AP2A1: variants seen among roughly 807,000 people sequenced by gnomAD.
AP2A1 encodes adaptor related protein complex 2 subunit alpha 1, also known as AP-2 complex subunit alpha-1.
In AP2A1, 21 loss-of-function variants were observed where a neutral mutation model predicts 107.3. The observed-to-expected ratio is 0.20, with a 90% CI of 0.14 to 0.28. AP2A1 has a LOEUF of 0.28. Among genes scored for constraint, AP2A1 ranks in the 10% least tolerant of loss-of-function variants. The pLI, the probability that AP2A1 is intolerant of heterozygous loss-of-function variation, is 1.00. For missense variants in AP2A1, 873 were observed against 1,307.7 expected, an observed-to-expected ratio of 0.67 and a Z score of 5.13; for synonymous variants, 602 against 564.8, an observed-to-expected ratio of 1.07 and a Z score of -0.93.
At position 49,799,575 on chromosome 19, in the gene AP2A1, C is replaced by T. The variant is rs1053985478; in HGVS notation, c.1135-54C>T. 3.7e-6 allele frequency: 6 copies of T among 1,600,126 alleles called. No individual in the cohort carries two copies. The Admixed American group carries it at 6.7e-5, about 18-fold the overall frequency. On this transcript the variant is annotated intron_variant, in intron 9 of 22. Transcript: ENST00000354293. ...GGCTCAGAGGCCCTTGGGTGGCCAACCCTGTGCCAACAGGGAGTCTAAAAC... is the reference window on the plus strand; with the variant it reads ...GGCTCAGAGGCCCTTGGGTGGCCAATCCTGTGCCAACAGGGAGTCTAAAAC...
intron 1 of AP2A1, among the ~76,000 whole-genome samples, chr19:49,774,412 T>A (rs558132361): frequency 6.6e-6 from 1 of 152,120 alleles, no homozygotes; most frequent in Non-Finnish European, 1.5e-5. Flanking sequence ...GCAGGGGGGC[T>A]GACCAGGAGA....
At chr19:49,806,366 CTCT>C in intron 22 of AP2A1, 113 bp downstream of exon 22, 2 of 1,283,520 alleles carry the variant, frequency 1.6e-6, no homozygotes, top group Non-Finnish European at 2.0e-6. Flanking sequence ...GACCCTCCTC[CTCT>C]CACATTTCTT....
intron 1 of AP2A1, among the ~76,000 whole-genome samples, chr19:49,781,264 G>A (rs1419384917): frequency 1.3e-4 from 20 of 152,110 alleles, no homozygotes; most frequent in Non-Finnish European, 2.1e-4. Flanking sequence ...GGGGACAAAG[G>A]GGGTGAGGAC....
At chr19:49,767,931 A>G (rs908912127) in intron 1 of AP2A1, among the ~76,000 whole-genome samples, 1 of 151,904 alleles carries the variant, frequency 6.6e-6, no homozygotes, top group African/African-American at 2.4e-5. Context: ...AACACAGAGG[A>G]AAAGAGCTGT....
intron 4 of AP2A1, among the ~76,000 whole-genome samples, chr19:49,791,467 T>G (rs1321116810): frequency 1.3e-5 from 2 of 152,110 alleles, no homozygotes; most frequent in African/African-American, 4.8e-5. Context: ...CCTCAAGTGA[T>G]CCTCCCACCT....
intron 15 of AP2A1, chr19:49,802,537 G>T: frequency 6.2e-7 from 1 of 1,605,452 alleles, no homozygotes. Flanking sequence ...GGCTCAGCGA[G>T]CTGGAGCCGC....
In AP2A1 at chr19:49,777,371, C is replaced by A. The variant is rs541286515; in HGVS notation, c.68-4386C>A. Among the ~76,000 whole-genome samples the A allele has an allele frequency of 2.0e-5, 3 of 152,184 alleles. No individual in the cohort carries two copies. The South Asian group carries it at 6.2e-4, about 32-fold the overall frequency. On this transcript the variant is annotated intron_variant, in intron 1 of 22. Coordinates refer to ENST00000354293, the MANE Select transcript of AP2A1 (RefSeq NM_130787.3). ...AGATTTCCAGCCGGGCGCGGTGGCTCATGCCTGTAATCATAGCACTTTGGG... is the reference window on the plus strand; with the variant it reads ...AGATTTCCAGCCGGGCGCGGTGGCTAATGCCTGTAATCATAGCACTTTGGG...
intron 1 of AP2A1, among the ~76,000 whole-genome samples, chr19:49,779,640 G>C (rs4802622): frequency 6.6e-6 from 1 of 152,000 alleles, no homozygotes; most frequent in Non-Finnish European, 1.5e-5. Flanking sequence ...AGTTCTCACT[G>C]TGTTGTCCAG....
intron 1 of AP2A1, among the ~76,000 whole-genome samples, chr19:49,767,534 G>A (rs1356008989): frequency 1.3e-5 from 2 of 152,118 alleles, no homozygotes; most frequent in African/African-American, 2.4e-5. Flanking sequence ...TGGGGTTAGA[G>A]GGATTCCCAA....
chr19:49,779,488 A>AG (rs2084651465), intron 1 of AP2A1, among the ~76,000 whole-genome samples: 3 of 39,008 alleles, frequency 7.7e-5, no homozygotes, highest in African/African-American at 1.9e-4. Context: ...CCTGGGCTAC[A>AG]AAAAAAAAAA....
At chr19:49,767,300 C>T in intron 1 of AP2A1, 100 bp downstream of exon 1, 2 of 1,453,728 alleles carry the variant, frequency 1.4e-6, no homozygotes, top group Admixed American at 1.8e-5. Flanking sequence ...TCAAAAGCCT[C>T]TGCGGCCGTA....
chr19:49,787,326 C>CTTTTTT (rs201187935), intron 4 of AP2A1, among the ~76,000 whole-genome samples: 3 of 116,796 alleles, frequency 2.6e-5, no homozygotes, highest in African/African-American at 7.5e-5. Flanking sequence ...CCCATCTAGG[C>CTTTTTT]TTTTTTTGTT....
intron 1 of AP2A1, among the ~76,000 whole-genome samples, chr19:49,770,605 A>C (rs1323911532): frequency 6.6e-6 from 1 of 152,214 alleles, no homozygotes; most frequent in African/African-American, 2.4e-5. Flanking sequence ...TGAGAAATAA[A>C]GTGTGGTCTA....
In AP2A1 at chr19:49,800,272, C is replaced by G. The variant is rs373515436; in HGVS notation, c.1455+122C>G. The G allele has an allele frequency of 8.8e-5, 109 of 1,238,940 alleles. No individual in the cohort carries two copies. The African/African-American group carries it at 9.5e-4, about 11-fold the overall frequency. The allele number at this position is 1,238,940 out of a possible 1,614,324, so 76.7% of individuals were successfully genotyped here. A position where few individuals can be genotyped will look rare whatever the true frequency, so the allele number is the denominator to read the frequency against. On this transcript the variant is annotated intron_variant, in intron 11 of 22. Coordinates refer to ENST00000354293, the MANE Select transcript of AP2A1 (RefSeq NM_130787.3). ...CCTCCTTCTCCTGCACTGCCGTGACCTCAAAATGGGGCCTCTGCCTCTCTG... is the reference window on the plus strand; with the variant it reads ...CCTCCTTCTCCTGCACTGCCGTGACGTCAAAATGGGGCCTCTGCCTCTCTG...
At chr19:49,791,754 G>T in intron 4 of AP2A1, 181 bp from the exon 5 acceptor site, 1 of 649,378 alleles carries the variant, frequency 1.5e-6, no homozygotes, top group Non-Finnish European at 2.6e-6. Context: ...TTTTGCAGAT[G>T]AAGACACTGA....
At chr19:49,794,400 C>T (rs1002210542) in intron 6 of AP2A1, among the ~76,000 whole-genome samples, 23 of 151,882 alleles carry the variant, frequency 1.5e-4, no homozygotes, top group African/African-American at 5.3e-4. Flanking sequence ...ATCGGTCTTG[C>T]TTTGTCGCCC....
intron 4 of AP2A1, among the ~76,000 whole-genome samples, chr19:49,783,977 T>C (rs2123698614): frequency 6.6e-6 from 1 of 152,322 alleles, no homozygotes; most frequent in Non-Finnish European, 1.5e-5. Context: ...GGTTCCCTAG[T>C]GCTTCACAGA....
intron 1 of AP2A1, among the ~76,000 whole-genome samples, 168 bp from the exon 2 acceptor site, chr19:49,781,589 T>C (rs917437095): frequency 2.6e-5 from 4 of 152,012 alleles, no homozygotes; most frequent in Non-Finnish European, 5.9e-5. Context: ...GGTTCTTCCC[T>C]CTTTGAAACT....
At chr19:49,790,282 C>T (rs922445499) in intron 4 of AP2A1, among the ~76,000 whole-genome samples, 1 of 152,198 alleles carries the variant, frequency 6.6e-6, no homozygotes, top group Admixed American at 6.5e-5. Context: ...CCTGCCTGAC[C>T]TCTGTTCCAT....
Sources: allele counts gnomAD v4.1 joint callset (sites outside exome capture counted in the v4.1 genomes callset), GRCh38; gene constraint gnomAD v4.1.1; transcripts MANE v1.5; gene names NCBI Gene and HGNC (gene_info 2026-07-23, HGNC 2026-07-21).